Variants in COPS6 observed in about 807,000 individuals in gnomAD.
The protein encoded by COPS6 is COP9 signalosome subunit 6, also known as COP9 signalosome complex subunit 6.
COPS6 carries 9 observed loss-of-function variants against 41.0 expected under a neutral mutation model. That is an observed-to-expected ratio of 0.22 (90% CI 0.13 to 0.38). The LOEUF (loss-of-function observed/expected upper bound fraction) is 0.38, where lower values mean the gene tolerates loss of function less well. Among genes scored for constraint, COPS6 ranks in the 10% least tolerant of loss-of-function variants. The pLI is 1.00. For synonymous variants in COPS6, 179 were observed against 162.9 expected (o/e 1.10, Z -0.75); for missense variants, 302 against 436.7 (o/e 0.69, Z 2.75).
chr7:100,089,563 G>A (rs1584478895), intron 2 of COPS6, 52 bp from the exon 3 acceptor site: 2 of 1,603,136 alleles, frequency 1.2e-6, no homozygotes, highest in East Asian at 2.2e-5. Context: ...CAGACCCTCA[G>A]GTCATAGAAG....
rs756171637 is a variant in COPS6, at chr7:100,090,545, G to A, written c.424-47G>A. 4 of 1,610,832 alleles carry A rather than the reference G, an allele frequency of 2.5e-6. No homozygotes were observed. In the South Asian group the frequency reaches 3.3e-5, roughly 13 times the overall value. On this transcript the variant is annotated intron_variant, in intron 4 of 9. Transcript: ENST00000303904. ...AGAGAATGGAGAATGAGGGGAAGGA[G>A]AAAGGTAGGGGGCACTGACTTCCTG...
intron 2 of COPS6, 86 bp from the exon 3 acceptor site, chr7:100,089,529 C>T: frequency 1.2e-6 from 2 of 1,600,848 alleles, no homozygotes; most frequent in South Asian, 2.2e-5. Flanking sequence ...CATCGTTTCC[C>T]CAATACATGG....
rs1225045551 is a variant in COPS6 at position 100,090,580 on chromosome 7, C to T, written c.424-12C>T. 1 of 1,613,832 alleles carries T rather than the reference C, an allele frequency of 6.2e-7. No individual in the cohort carries two copies. The highest frequency in any genetic ancestry group is 1.3e-5 in the African/African-American group (1 of 74,876). On this transcript the variant is annotated splice_polypyrimidine_tract_variant and intron_variant, in intron 4 of 9. Transcript: ENST00000303904. The stretch of plus-strand genomic sequence containing the variant: ...GGGCACTGACTTCCTGTGCATTGTC[C>T]CTCTCTTCCAGGTGTGTGAGATCAT...
chr7:100,091,928 C>CT lies in COPS6; in HGVS notation c.*140dup, dbSNP rs1367174412. On this transcript the variant is annotated 3_prime_UTR_variant, in exon 10 of 10. Coordinates refer to ENST00000303904, the MANE Select transcript of COPS6 (RefSeq NM_006833.5). This position sits in a 1 kb window ranked among gnomAD's most constrained non-coding sequence, Gnocchi z 4.1. ...GCACCCCTGCTGGTGGCTCTGTCCT[C>CT]TGTTAGGCACCACACTGGTTGGTCA... is the stretch of plus-strand genomic sequence containing the variant. 1.7e-5 allele frequency: 18 copies of CT among 1,049,874 alleles called. No individual in the cohort carries two copies. The East Asian group carries it at 4.6e-4, about 27-fold the overall frequency. 65.0% of individuals were successfully genotyped at this position (1,049,874 alleles called of 1,614,324 possible). A position where few individuals can be genotyped will look rare whatever the true frequency, so the allele number is the denominator to read the frequency against.
Position 100,091,186 on chromosome 7 carries a change from A to G in COPS6, c.649+34A>G, listed in dbSNP as rs755305802. On this transcript the variant is annotated intron_variant, in intron 7 of 9. Transcript: ENST00000303904. The surrounding 1 kb of genome is among the most constrained non-coding windows in gnomAD (Gnocchi z 4.1). ...GGGGATTCCTTGGAAGTGGGGTTGG[A>G]AGGTGTGGCCACATCCCGTCTCAAC... 93 of 1,613,270 alleles carry G rather than the reference A, an allele frequency of 5.8e-5. 2 individuals carry two copies. The Admixed American group carries it at 1.5e-3, about 25-fold the overall frequency.
intron 3 of COPS6, 181 bp from the exon 4 acceptor site, chr7:100,090,218 C>G (rs936544004): frequency 1.0e-5 from 6 of 591,966 alleles, no homozygotes; most frequent in Non-Finnish European, 1.8e-5. Context: ...CATGGTGGTG[C>G]GTGCCTGTAG....
rs1584480281 is a variant in COPS6 at position 100,091,747 on chromosome 7, C to G, written c.942C>G (p.Asp314Glu). The change falls in exon 10 of 10, where the codon GAC (aspartate) becomes GAG (glutamate). Residue 314 changes from aspartate (D) to glutamate (E), a missense_variant. Physicochemically the swap from Asp to Glu is conservative, Grantham distance 45 (BLOSUM62 2). Transcript: ENST00000303904. The surrounding 1 kb of genome is among the most constrained non-coding windows in gnomAD (Gnocchi z 4.1). Reference sequence around the variant, plus strand: ...TGAACAAGTTCAATGTCCTCTACGACCGACAAGGCATCGGCAGGAGAATGC... The same window carrying G: ...TGAACAAGTTCAATGTCCTCTACGAGCGACAAGGCATCGGCAGGAGAATGC... The part of the protein sequence containing the change: ...QFVNKFNVLY[D>E]RQGIGRRMRG... The G allele has an allele frequency of 3.1e-6, 5 of 1,614,220 alleles. No homozygotes were observed. The highest frequency in any genetic ancestry group is 4.2e-6 in the Non-Finnish European group (5 of 1,180,044).
intron 5 of COPS6, 23 bp from the exon 6 acceptor site, chr7:100,090,879 A>G: frequency 6.2e-7 from 1 of 1,613,934 alleles, no homozygotes; most frequent in Middle Eastern, 1.7e-4. Flanking sequence ...TATAGTGTTC[A>G]GGTTTCTCCG....
Position 100,091,856 on chromosome 7 carries a change from T to TA in COPS6, c.*67_*68insA. ...ATCCCAAAGGGGAGGGCACTACACT[T>TA]CCTTGAGAGAAACCGCTGTCATTAA... On this transcript the variant is annotated 3_prime_UTR_variant, in exon 10 of 10. Transcript: ENST00000303904. This position sits in a 1 kb window ranked among gnomAD's most constrained non-coding sequence, Gnocchi z 4.1. 1 of 1,597,410 alleles carries TA rather than the reference T, an allele frequency of 6.3e-7. No homozygotes were observed. Among genetic ancestry groups the TA allele is most frequent in the South Asian group, 1.1e-5 (1 of 90,282 alleles).
chr7:100,089,058 A>G lies in COPS6; in HGVS notation c.68A>G (p.Asp23Gly). 2 of 1,403,488 alleles carry G rather than the reference A, an allele frequency of 1.4e-6. No homozygotes were observed. The highest frequency in any genetic ancestry group is 1.9e-6 in the Non-Finnish European group (2 of 1,077,784). The allele number at this position is 1,403,488 out of a possible 1,614,324, so 86.9% of individuals were successfully genotyped here. Residue 23 changes from aspartate (D) to glycine (G), a missense_variant, in exon 1 of 10, where the codon GAT (aspartate) becomes GGT (glycine). Asp to Gly is a moderately conservative substitution (Grantham distance 94). This residue lies in a region of COPS6 where 76 missense variants were observed against 97.9 expected (regional missense o/e 0.78). Transcript: ENST00000303904. ...GGAGGAAGCAGCGGGATGGAGGTGG[A>G]TGCAGCAGGTAACGGGCCGTGCGGG... is the stretch of plus-strand genomic sequence containing the variant. ...GTGGSSGMEV[D>G]AAVVPSVMAC...
intron 5 of COPS6, 38 bp downstream of exon 5, chr7:100,090,692 G>A (rs566080181): frequency 5.2e-5 from 83 of 1,590,360 alleles, no homozygotes; most frequent in Middle Eastern, 1.7e-4. Context: ...CATGATTGTC[G>A]CTATACCTTT....
Position 100,091,805 on chromosome 7 carries a change from G to C in COPS6, c.*16G>C, listed in dbSNP as rs192102771. 74 of 1,614,184 alleles carry C rather than the reference G, an allele frequency of 4.6e-5. No individual in the cohort carries two copies. In the African/African-American group the frequency reaches 8.1e-4, roughly 18 times the overall value. ...CTTTTTCTGATGAGGGTACTTGAAG[G>C]GCTGATGGACAGGGGTCAGGCAACT... On this transcript the variant is annotated 3_prime_UTR_variant, in exon 10 of 10. Coordinates refer to ENST00000303904, the MANE Select transcript of COPS6 (RefSeq NM_006833.5). The surrounding 1 kb of genome is among the most constrained non-coding windows in gnomAD (Gnocchi z 4.1).
At chr7:100,090,699 C>A (rs201312112) in intron 5 of COPS6, 45 bp downstream of exon 5, 2 of 1,578,526 alleles carry the variant, frequency 1.3e-6, no homozygotes, top group East Asian at 2.2e-5. Flanking sequence ...GTCGCTATAC[C>A]TTTTACTGTG....
Position 100,091,539 on chromosome 7 carries a change from T to C in COPS6, c.843+19T>C, listed in dbSNP as rs1384417003. 2 of 1,613,790 alleles carry C rather than the reference T, an allele frequency of 1.2e-6. No homozygotes were observed. Among genetic ancestry groups the C allele is most frequent in the Non-Finnish European group, 1.7e-6 (2 of 1,179,734 alleles). ...TTATGATGTGAGTGTAAAACCCGGA[T>C]GGGGAGGCGGGGCTTATGCTGTCAC... On this transcript the variant is annotated intron_variant, in intron 9 of 9. Coordinates refer to ENST00000303904, the MANE Select transcript of COPS6 (RefSeq NM_006833.5). The surrounding 1 kb of genome is among the most constrained non-coding windows in gnomAD (Gnocchi z 4.1).
chr7:100,091,367 T>C lies in COPS6; in HGVS notation c.742+37T>C. 1 of 1,613,064 alleles carries C rather than the reference T, an allele frequency of 6.2e-7. No individual in the cohort carries two copies. Among genetic ancestry groups the C allele is most frequent in the Non-Finnish European group, 8.5e-7 (1 of 1,179,038 alleles). On this transcript the variant is annotated intron_variant, in intron 8 of 9. Coordinates refer to ENST00000303904, the MANE Select transcript of COPS6 (RefSeq NM_006833.5). The surrounding 1 kb of genome is among the most constrained non-coding windows in gnomAD (Gnocchi z 4.1). ...GCTTCCCTGGCATTCTTCCTCTCCC[T>C]CCTGGGGAAGTGACAGCATCCAAAC...
rs113803296 is a variant in COPS6 at position 100,091,908 on chromosome 7, C to T, written c.*119C>T. 1.4e-5 allele frequency: 18 copies of T among 1,328,040 alleles called. No homozygotes were observed. The highest frequency in any genetic ancestry group is 4.8e-5 in the East Asian group (2 of 41,630). 82.3% of individuals were successfully genotyped at this position (1,328,040 alleles called of 1,614,324 possible). A position where few individuals can be genotyped will look rare whatever the true frequency, so the allele number is the denominator to read the frequency against. ...AAAAGGGGAGCAGCCCCTGAGCACC[C>T]CTGCTGGTGGCTCTGTCCTCTGTTA... On this transcript the variant is annotated 3_prime_UTR_variant, in exon 10 of 10. Coordinates refer to ENST00000303904, the MANE Select transcript of COPS6 (RefSeq NM_006833.5). The surrounding 1 kb of genome is among the most constrained non-coding windows in gnomAD (Gnocchi z 4.1).
In COPS6 at chr7:100,089,430, T is replaced by C; in HGVS notation, c.202+15T>C. The C allele has an allele frequency of 6.2e-7, 1 of 1,614,008 alleles. No homozygotes were observed. Among genetic ancestry groups the C allele is most frequent in the Non-Finnish European group, 8.5e-7 (1 of 1,180,012 alleles). On this transcript the variant is annotated intron_variant, in intron 2 of 9. Transcript: ENST00000303904. The stretch of plus-strand genomic sequence containing the variant: ...GCCTGTGCAGGGTGAGTGTTGGGCA[T>C]AGACTCCAGTCTCTTCTCCTTGCTC...
intron 5 of COPS6, 51 bp downstream of exon 5, chr7:100,090,705 C>A (rs1234449667): frequency 6.4e-7 from 1 of 1,554,634 alleles, no homozygotes; most frequent in Non-Finnish European, 8.9e-7. Flanking sequence ...ATACCTTTTA[C>A]TGTGTGACAC....
rs1156986728 is a variant in COPS6 at position 100,090,600 on chromosome 7, G to A, written c.432G>A (p.Glu144=). ...TTGTCCCTCTCTTCCAGGTGTGTGA[G>A]ATCATCGAGAGCCCCCTCTTTCTGA... ...SDIHVHKQVC[E]IIESPLFLKL... is the part of the protein sequence containing the mutation. Residue 144 remains glutamate (E), a synonymous_variant, in exon 5 of 10, where the codon GAG becomes GAA. Transcript: ENST00000303904. 6.8e-6 allele frequency: 11 copies of A among 1,614,154 alleles called. No homozygotes were observed. The highest frequency in any genetic ancestry group is 8.5e-6 in the Non-Finnish European group (10 of 1,180,018).
Sources: gnomAD v4.1 joint callset for allele counts on GRCh38, gnomAD v4.1.1 for gene constraint, gnomAD v4.1.1 regional missense constraint, Gnocchi (gnomAD v3.1) non-coding constraint, MANE v1.5 for transcripts, NCBI Gene and HGNC (gene_info 2026-07-23, HGNC 2026-07-21) for gene names.